Variants in ADCY7 observed in about 807,000 individuals in gnomAD.
ADCY7 encodes the protein adenylate cyclase 7.
Under a neutral mutation model 120.6 loss-of-function variants are expected in ADCY7, and 72 were observed. That is an observed-to-expected ratio of 0.60 (90% CI 0.49 to 0.73). ADCY7 has a LOEUF of 0.73. Among genes scored for constraint, ADCY7 ranks in the 30% least tolerant of loss-of-function variants. The pLI, the probability that ADCY7 is intolerant of heterozygous loss-of-function variation, is 0.00. For synonymous variants in ADCY7, 661 were observed against 628.0 expected (o/e 1.05, Z -0.78); for missense variants, 1,227 against 1,486.0 (o/e 0.83, Z 2.87).
intron 1 of ADCY7, among the ~76,000 whole-genome samples, chr16:50,272,550 G>T (rs970634510): frequency 1.2e-4 from 18 of 152,202 alleles, no homozygotes; most frequent in African/African-American, 3.6e-4. Flanking sequence ...CTTGGGGCTG[G>T]TGTGTCTTCC....
At position 50,292,796 on chromosome 16, in the gene ADCY7, C is replaced by A. The variant is rs144663305; in HGVS notation, c.658C>A (p.Arg220=). The change falls in exon 5 of 26, where the codon CGG becomes AGG. Residue 220 remains arginine, a synonymous_variant. Coordinates refer to ENST00000673801, the MANE Select transcript of ADCY7 (RefSeq NM_001114.5). The part of the protein sequence containing the change: ...TYTVKCIQIR[R]KLRIEKRQQE... ...CACTGTGAAGTGCATCCAGATCCGC[C>A]GGAAGCTGCGCATCGAGAAGCGCCA... 4 of 1,613,764 alleles carry A rather than the reference C, an allele frequency of 2.5e-6. No homozygotes were observed. The highest frequency in any genetic ancestry group is 2.2e-5 in the East Asian group (1 of 44,892).
chr16:50,266,230 G>A (rs543813484), upstream of ADCY7, among the ~76,000 whole-genome samples: 2 of 152,356 alleles, frequency 1.3e-5, no homozygotes, highest in East Asian at 1.9e-4. Context: ...GCCGCTAATT[G>A]CTAATTGCTC....
chr16:50,311,805 C>G lies in ADCY7; in HGVS notation c.2448+19C>G, dbSNP rs187135669. Reference sequence around the variant, plus strand: ...CAGACAGGTAAGGAGGCTGGCCCCCCCCCCCCCCCCAAGCTCTGCCCACTT... The same window carrying G: ...CAGACAGGTAAGGAGGCTGGCCCCCGCCCCCCCCCCAAGCTCTGCCCACTT... On this transcript the variant is annotated intron_variant, in intron 20 of 25. Coordinates refer to ENST00000673801, the MANE Select transcript of ADCY7 (RefSeq NM_001114.5). The G allele has an allele frequency of 8.9e-5, 117 of 1,310,626 alleles. 2 individuals are homozygous for G. Among genetic ancestry groups the G allele is most frequent in the African/African-American group, 2.4e-4 (16 of 66,718 alleles). The allele number at this position is 1,310,626 out of a possible 1,614,324, so 81.2% of individuals were successfully genotyped here. A position where few individuals can be genotyped will look rare whatever the true frequency, so the allele number is the denominator to read the frequency against.
chr16:50,310,313 T>C (rs1308119712), intron 18 of ADCY7: 2 of 726,406 alleles, frequency 2.8e-6, no homozygotes, highest in East Asian at 5.4e-5. Context: ...TGGTCTTTAT[T>C]CTGGGGGCTG....
intron 1 of ADCY7, among the ~76,000 whole-genome samples, chr16:50,268,671 G>A (rs934698709): frequency 2.6e-5 from 4 of 152,148 alleles, no homozygotes; most frequent in African/African-American, 9.7e-5. Context: ...AGTAGGTCTG[G>A]GAGGTTTGCT....
chr16:50,275,450 CA>C (rs1423522660), intron 1 of ADCY7, among the ~76,000 whole-genome samples: 1 of 152,168 alleles, frequency 6.6e-6, no homozygotes, highest in Non-Finnish European at 1.5e-5. Flanking sequence ...TCAGAGACTC[CA>C]AAGTCAGCAT....
rs199665164 is a variant in ADCY7 at position 50,314,403 on chromosome 16, G to A, written c.2968G>A (p.Val990Ile). The change falls in exon 24 of 26, where the codon GTC becomes ATC. Residue 990 changes from valine (V) to isoleucine (I), a missense_variant. By Grantham distance (29) the Val-to-Ile change is conservative. Around this residue, in one of 5 missense-constraint regions of ADCY7, gnomAD observed 244 missense variants for 332.8 expected, o/e 0.73. Coordinates refer to ENST00000673801, the MANE Select transcript of ADCY7 (RefSeq NM_001114.5). ...RHSFNSFRLR[V>I]GINHGPVIAG... ...CTCCTTCAACTCCTTCCGCCTCCGCGTCGGTGAGCCCGGGTGATGGAGCGG... is the reference window on the plus strand; with the variant it reads ...CTCCTTCAACTCCTTCCGCCTCCGCATCGGTGAGCCCGGGTGATGGAGCGG... The A allele has an allele frequency of 1.3e-4, 216 of 1,613,086 alleles. No individual in the cohort carries two copies. Among genetic ancestry groups the A allele is most frequent in the East Asian group, 6.9e-4 (31 of 44,888 alleles).
At chr16:50,311,993 C>A in intron 20 of ADCY7, 43 bp from the exon 21 acceptor site, 1 of 1,610,786 alleles carries the variant, frequency 6.2e-7, no homozygotes, top group South Asian at 1.1e-5. Flanking sequence ...GCACGGCTCC[C>A]ACTTGCCTGT....
At position 50,298,988 on chromosome 16, in the gene ADCY7, C is replaced by G. The variant is rs557242430; in HGVS notation, c.1033C>G (p.Arg345Gly). 2.5e-6 allele frequency: 4 copies of G among 1,613,122 alleles called. No individual in the cohort carries two copies. Among genetic ancestry groups the G allele is most frequent in the African/African-American group, 1.3e-5 (1 of 74,952 alleles). ...GLPVSLPTHA[R>G]NCVKMGLDMC... ...GCCCGTGTCGCTGCCTACCCACGCC[C>G]GGAACTGCGTGAAGATGGGGCTGGA... Residue 345 changes from arginine to glycine, a missense_variant, in exon 8 of 26, where the codon CGG becomes GGG. Around this residue, in one of 5 missense-constraint regions of ADCY7, gnomAD observed 332 missense variants for 455.8 expected, o/e 0.73. Transcript: ENST00000673801.
At chr16:50,312,857 A>T in intron 21 of ADCY7, 33 bp from the exon 22 acceptor site, 2 of 1,566,660 alleles carry the variant, frequency 1.3e-6, no homozygotes, top group East Asian at 2.4e-5. Context: ...TCAAGAGGTG[A>T]AGTGGTGTAA....
At position 50,291,733 on chromosome 16, in the gene ADCY7, C is replaced by T. The variant is rs202111224; in HGVS notation, c.376-3C>T. 1.2e-6 allele frequency: 2 copies of T among 1,614,066 alleles called. No homozygotes were observed. The highest frequency in any genetic ancestry group is 2.2e-5 in the East Asian group (1 of 44,878). ...CACCGGGCTCACCAGGCTGCATCCA[C>T]AGGTGCCCTTCTTCCTGTTCATTGT... On this transcript the variant is annotated splice_region_variant and splice_polypyrimidine_tract_variant and intron_variant, in intron 3 of 25. Coordinates refer to ENST00000673801, the MANE Select transcript of ADCY7 (RefSeq NM_001114.5).
intron 23 of ADCY7, 22 bp from the exon 24 acceptor site, chr16:50,314,269 CT>C: frequency 6.2e-7 from 1 of 1,610,140 alleles, no homozygotes. Flanking sequence ...ATGCAAGGAT[CT>C]GACCCACAGC....
chr16:50,271,841 T>G (rs1008373160), intron 1 of ADCY7, among the ~76,000 whole-genome samples: 1 of 152,182 alleles, frequency 6.6e-6, no homozygotes, highest in Non-Finnish European at 1.5e-5. Flanking sequence ...GCTCTGCTCT[T>G]GAGCTGTTCA....
chr16:50,259,978 G>A (rs1468540200), intron 1 of ADCY7, among the ~76,000 whole-genome samples: 1 of 152,130 alleles, frequency 6.6e-6, no homozygotes, highest in Non-Finnish European at 1.5e-5. Flanking sequence ...CAGCGTGAAA[G>A]ATGCATCTGG....
intron 1 of ADCY7, among the ~76,000 whole-genome samples, chr16:50,254,221 G>A (rs573563338): frequency 4.8e-4 from 73 of 152,232 alleles, no homozygotes; most frequent in Admixed American, 1.9e-3. Context: ...AGCAGACAGG[G>A]CAGCCCACCA....
rs950527291 is a variant in ADCY7 at position 50,297,999 on chromosome 16, C to T, written c.949-905C>T. 3.1e-4 allele frequency among the ~76,000 whole-genome samples: 47 copies of T among 151,994 alleles called. No homozygotes were observed. The highest frequency in any genetic ancestry group is 2.2e-3 in the Admixed American group (34 of 15,274). ...TGAGGGCTTAAGGAGGGTCTGGTGA[C>T]GCAGCAGTGCCTCAGATGAACCTCA... On this transcript the variant is annotated intron_variant, in intron 7 of 25. Coordinates refer to ENST00000673801, the MANE Select transcript of ADCY7 (RefSeq NM_001114.5). The surrounding 1 kb of genome is among the most constrained non-coding windows in gnomAD (Gnocchi z 4.4).
At chr16:50,269,943 C>T (rs1352664085) in intron 1 of ADCY7, among the ~76,000 whole-genome samples, 1 of 152,150 alleles carries the variant, frequency 6.6e-6, no homozygotes, top group African/African-American at 2.4e-5. Context: ...AGTCCCAGCG[C>T]TTTGGGAGGC....
chr16:50,266,393 C>T (rs1257533359), upstream of ADCY7: 2 of 152,952 alleles, frequency 1.3e-5, no homozygotes, highest in African/African-American at 4.8e-5. Flanking sequence ...GCTCCCAGGC[C>T]TGGCAGCTCC....
intron 20 of ADCY7, 60 bp downstream of exon 20, chr16:50,311,846 T>A (rs111316004): frequency 1.1e-5 from 13 of 1,220,572 alleles, no homozygotes; most frequent in African/African-American, 4.9e-5. Flanking sequence ...CACCTCCATC[T>A]GGAGATGGGG....
Sources: gnomAD v4.1 joint callset for allele counts (sites outside exome capture counted in the v4.1 genomes callset) on GRCh38, gnomAD v4.1.1 for gene constraint, gnomAD v4.1.1 regional missense constraint, Gnocchi (gnomAD v3.1) non-coding constraint, MANE v1.5 for transcripts, NCBI Gene and HGNC (gene_info 2026-07-23, HGNC 2026-07-21) for gene names.